The following WDFY2 variants were observed in gnomAD, a reference collection of about 807,000 sequenced individuals.
WDFY2 encodes the protein WD repeat and FYVE domain-containing protein 2.
A neutral mutation model predicts 56.4 loss-of-function variants in WDFY2; 36 were observed. The observed-to-expected ratio is 0.64, with a 90% CI of 0.49 to 0.84. The LOEUF is 0.84. WDFY2 is among the 40% of genes least tolerant of loss of function. WDFY2 has a pLI of 0.00. For missense variants in WDFY2, 444 were observed against 512.2 expected (o/e 0.87, Z 1.29); for synonymous variants, 176 against 183.7 (o/e 0.96, Z 0.34).
intron 7 of WDFY2, among the ~76,000 whole-genome samples, chr13:51,747,735 T>G (rs1369152579): frequency 1.3e-5 from 2 of 152,182 alleles, no homozygotes; most frequent in Admixed American, 1.3e-4. Context: ...CTCACCATGC[T>G]GCCCAGGCTG....
At chr13:51,714,128 TA>T (rs1227456356) in intron 4 of WDFY2, among the ~76,000 whole-genome samples, 1 of 151,256 alleles carries the variant, frequency 6.6e-6, no homozygotes, top group Admixed American at 6.6e-5. Context: ...TTTAATACAG[TA>T]AAAAATTAAA....
rs752789332 is a variant in WDFY2, at chr13:51,584,800, G to T, written c.113G>T (p.Gly38Val). Residue 38 changes from glycine (G) to valine (V), a missense_variant, in exon 1 of 12, where the codon GGC (glycine) becomes GTC (valine). Physicochemically the swap from Gly to Val is moderately radical, Grantham distance 109. Transcript: ENST00000298125. ...GCCGTGATCGTGCCCAAAGAGGAGGGCGTCATCAGCGTCTCCGAGGACAGG... is the reference window on the plus strand; with the variant it reads ...GCCGTGATCGTGCCCAAAGAGGAGGTCGTCATCAGCGTCTCCGAGGACAGG... ...NMAVIVPKEE[G>V]VISVSEDRTV... 18 of 1,613,786 alleles carry T rather than the reference G, an allele frequency of 1.1e-5. No individual in the cohort carries two copies. The highest frequency in any genetic ancestry group is 1.0e-4 in the Admixed American group (6 of 60,000).
At chr13:51,705,676 A>G (rs1014652743) in intron 4 of WDFY2, among the ~76,000 whole-genome samples, 2 of 152,104 alleles carry the variant, frequency 1.3e-5, no homozygotes, top group African/African-American at 4.8e-5. Flanking sequence ...ATAATCACGT[A>G]AGGGTAGATG....
chr13:51,713,683 T>C (rs1359452917), intron 4 of WDFY2, among the ~76,000 whole-genome samples: 1 of 151,896 alleles, frequency 6.6e-6, no homozygotes, highest in Non-Finnish European at 1.5e-5. Context: ...GACCAGCCTC[T>C]ACTAAAATAT....
rs78511052 is a variant in WDFY2, at chr13:51,639,470, C to T, written c.138-21126C>T. On this transcript the variant is annotated intron_variant, in intron 1 of 11. Transcript: ENST00000298125. ...AATTGTAGAGGGCAGTAGTTACTGT[C>T]GTTTGTTTATTTGACTTGGCAGAGG... Among the ~76,000 whole-genome samples the T allele has an allele frequency of 4.7e-4, 71 of 152,160 alleles. No individual in the cohort carries two copies. The East Asian group carries it at 0.011, about 23-fold the overall frequency.
intron 3 of WDFY2, among the ~76,000 whole-genome samples, chr13:51,689,565 G>T (rs1041357225): frequency 6.6e-6 from 1 of 152,058 alleles, no homozygotes; most frequent in Non-Finnish European, 1.5e-5. Context: ...TGTGACATGG[G>T]GTTTCCTTAT....
At chr13:51,619,620 G>T (rs1954688258) in intron 1 of WDFY2, among the ~76,000 whole-genome samples, 1 of 152,174 alleles carries the variant, frequency 6.6e-6, no homozygotes, top group Non-Finnish European at 1.5e-5. Context: ...TATGGAGCAT[G>T]CAGGCAAAGA....
chr13:51,680,060 G>C (rs1339659745), intron 3 of WDFY2, among the ~76,000 whole-genome samples: 6 of 152,172 alleles, frequency 3.9e-5, no homozygotes, highest in African/African-American at 1.4e-4. Flanking sequence ...GAGTAGATAG[G>C]ACTGTAAGTG....
rs542267330 is a variant in WDFY2, at chr13:51,685,134, A to G, written c.279+9891A>G. Among the ~76,000 whole-genome samples, 18 of 152,262 alleles carry G rather than the reference A, an allele frequency of 1.2e-4. No individual in the cohort carries two copies. The East Asian group carries it at 1.3e-3, about 11-fold the overall frequency. ...CTCCTGCCGCCTCTATGGAACTTCTACCTTCAAGAATTAGCTTTAAGCCCC... is the reference window on the plus strand; with the variant it reads ...CTCCTGCCGCCTCTATGGAACTTCTGCCTTCAAGAATTAGCTTTAAGCCCC... On this transcript the variant is annotated intron_variant, in intron 3 of 11. Transcript: ENST00000298125.
rs1445829026 is a variant in WDFY2 at position 51,653,370 on chromosome 13, A to G, written c.138-7226A>G. Reference sequence around the variant, plus strand: ...TTCGAACTTCCTCCTTTAGCTCGGAAAAGTTTGATCATCTGAAGCCTTCTC... The same window carrying G: ...TTCGAACTTCCTCCTTTAGCTCGGAGAAGTTTGATCATCTGAAGCCTTCTC... On this transcript the variant is annotated intron_variant, in intron 1 of 11. Coordinates refer to ENST00000298125, the MANE Select transcript of WDFY2 (RefSeq NM_052950.4). Among the ~76,000 whole-genome samples, 4 of 152,052 alleles carry G rather than the reference A, an allele frequency of 2.6e-5. No homozygotes were observed. The South Asian group carries it at 6.2e-4, about 24-fold the overall frequency.
chr13:51,692,769 G>T (rs989736095), intron 3 of WDFY2, among the ~76,000 whole-genome samples: 1 of 152,166 alleles, frequency 6.6e-6, no homozygotes, highest in Admixed American at 6.5e-5. Context: ...AGAAGGAGTG[G>T]TACCAGTTCC....
chr13:51,750,537 C>CAAAAA (rs61355886), intron 7 of WDFY2, among the ~76,000 whole-genome samples: 4 of 139,322 alleles, frequency 2.9e-5, no homozygotes, highest in African/African-American at 8.0e-5. Flanking sequence ...GACGAACATA[C>CAAAAA]AAAAAAAAAA....
intron 7 of WDFY2, among the ~76,000 whole-genome samples, chr13:51,748,627 T>TC (rs1281398809): frequency 2.0e-5 from 3 of 149,648 alleles, no homozygotes; most frequent in Non-Finnish European, 3.0e-5. Context: ...TCTCTCTCTC[T>TC]TTTTTTTTTC....
At chr13:51,640,655 C>T (rs958398379) in intron 1 of WDFY2, among the ~76,000 whole-genome samples, 6 of 152,066 alleles carry the variant, frequency 3.9e-5, no homozygotes, top group Admixed American at 6.6e-5. Context: ...TCGAGACCAG[C>T]CTGGCCAATA....
chr13:51,701,979 T>C (rs1951994272), intron 3 of WDFY2, among the ~76,000 whole-genome samples: 1 of 152,134 alleles, frequency 6.6e-6, no homozygotes, highest in Non-Finnish European at 1.5e-5. Flanking sequence ...ACCCACACTA[T>C]AAGCACTTTA....
At position 51,665,945 on chromosome 13, in the gene WDFY2, G is replaced by T. The variant is rs112512631; in HGVS notation, c.205+5282G>T. 3.4e-3 allele frequency among the ~76,000 whole-genome samples: 525 copies of T among 152,310 alleles called. 2 individuals are homozygous for T. The highest frequency in any genetic ancestry group is 0.01 in the Middle Eastern group (3 of 294). ...ACCTAATGTAGCGATGAAATGACCT[G>T]TCTTGTCACCTTCCCAGTTCTCTGC... is the stretch of plus-strand genomic sequence containing the variant. On this transcript the variant is annotated intron_variant, in intron 2 of 11. Coordinates refer to ENST00000298125, the MANE Select transcript of WDFY2 (RefSeq NM_052950.4).
In WDFY2 at chr13:51,767,597, A is replaced by AAATT. The variant is rs1030175353; in HGVS notation, c.*7830_*7833dup. 1.3e-5 allele frequency: 2 copies of AAATT among 153,144 alleles called. No individual in the cohort carries two copies. The highest frequency in any genetic ancestry group is 2.0e-4 in the South Asian group (1 of 4,888). 9.5% of individuals were successfully genotyped at this position (153,144 alleles called of 1,614,324 possible). On this transcript the variant is annotated 3_prime_UTR_variant, in exon 12 of 12. Coordinates refer to ENST00000298125, the MANE Select transcript of WDFY2 (RefSeq NM_052950.4). ...GAGTCACTAAGAGGTAAAATGGTGT[A>AAATT]AATTAGAGGTTTTATCAAAGTGTAG...
chr13:51,736,434 C>T (rs1952837845), intron 6 of WDFY2, among the ~76,000 whole-genome samples: 1 of 152,160 alleles, frequency 6.6e-6, no homozygotes, highest in African/African-American at 2.4e-5. Flanking sequence ...ATAAACCATC[C>T]TCATCCCATA....
intron 5 of WDFY2, among the ~76,000 whole-genome samples, chr13:51,721,842 G>A (rs1952497652): frequency 6.6e-6 from 1 of 152,184 alleles, no homozygotes; most frequent in Non-Finnish European, 1.5e-5. Flanking sequence ...GAGGGTCTCA[G>A]CCAAGAACCA....
Sources: gnomAD v4.1 joint callset for allele counts (sites outside exome capture counted in the v4.1 genomes callset) on GRCh38, gnomAD v4.1.1 for gene constraint, MANE v1.5 for transcripts, NCBI Gene and HGNC (gene_info 2026-07-23, HGNC 2026-07-21) for gene names.